The following CDH12 variants were observed in gnomAD, a reference collection of about 807,000 sequenced individuals.
CDH12 encodes cadherin 12, also known as cadherin-12.
Under a neutral mutation model 74.1 loss-of-function variants are expected in CDH12, and 41 were observed. That is an observed-to-expected ratio of 0.55 (90% CI 0.43 to 0.72). The LOEUF (loss-of-function observed/expected upper bound fraction) is 0.72. Among genes scored for constraint, CDH12 ranks in the 30% least tolerant of loss-of-function variants. CDH12 has a pLI of 0.00. For synonymous variants in CDH12, 399 were observed against 355.0 expected (o/e 1.12, Z -1.39); for missense variants, 945 against 977.2 (o/e 0.97, Z 0.44).
chr5:22,471,140 A>G (rs748326681), intron 2 of CDH12, among the ~76,000 whole-genome samples: 9 of 152,132 alleles, frequency 5.9e-5, no homozygotes, highest in Non-Finnish European at 1.3e-4. Context: ...GTTCCCTAGA[A>G]AACAGGAAGC....
Position 22,250,055 on chromosome 5 carries a change from G to GA in CDH12, c.-332-37413dup, listed in dbSNP as rs539182408. Among the ~76,000 whole-genome samples the GA allele has an allele frequency of 5.7e-3, 867 of 152,120 alleles. 3 individuals carry two copies. The highest frequency in any genetic ancestry group is 0.017 in the Middle Eastern group (5 of 292). On this transcript the variant is annotated intron_variant, in intron 3 of 14. Transcript: ENST00000382254. ...TGTAGGCTGGTGGGGAAGTATTGCA[G>GA]AAAAAACTGAACAGAATTTTTAAAG...
intron 1 of CDH12, among the ~76,000 whole-genome samples, chr5:22,708,342 CT>C (rs1185410983): frequency 2.6e-5 from 4 of 152,158 alleles, no homozygotes; most frequent in Admixed American, 1.3e-4. Flanking sequence ...GACACAAACT[CT>C]CCCAAACCGG....
intron 1 of CDH12, among the ~76,000 whole-genome samples, chr5:22,818,187 G>A (rs185153625): frequency 6.6e-6 from 1 of 152,052 alleles, no homozygotes; most frequent in Admixed American, 6.6e-5. Flanking sequence ...TGCTGTCTTG[G>A]TGAGGCTTTA....
intron 6 of CDH12, among the ~76,000 whole-genome samples, chr5:21,943,594 A>C (rs116132831): frequency 0.02 from 3,085 of 152,320 alleles, 44 homozygotes; most frequent in Non-Finnish European, 0.03. Context: ...CGGGTACTAC[A>C]CACTCAGTTG....
rs113026675 is a variant in CDH12, at chr5:22,659,858, T to G, written c.-522-154494A>C. 2.0e-5 allele frequency among the ~76,000 whole-genome samples: 3 copies of G among 152,244 alleles called. No individual in the cohort carries two copies. In the East Asian group the frequency reaches 5.8e-4, roughly 29 times the overall value. On this transcript the variant is annotated intron_variant, in intron 1 of 14. Transcript: ENST00000382254. ...AGTATTTCAATGAATTTTCTAAAAA[T>G]AGAATTATTTTATATCAACAAAATG...
intron 1 of CDH12, among the ~76,000 whole-genome samples, chr5:22,827,476 G>T (rs1736396132): frequency 6.6e-6 from 1 of 152,180 alleles, no homozygotes; most frequent in Non-Finnish European, 1.5e-5. Flanking sequence ...GGGCAGTGAA[G>T]AAGGGAAACG....
chr5:22,769,010 G>T (rs931799675), intron 1 of CDH12, among the ~76,000 whole-genome samples: 1 of 152,058 alleles, frequency 6.6e-6, no homozygotes, highest in Admixed American at 6.6e-5. Flanking sequence ...CCTTCAGTAT[G>T]ATCTCCTGCA....
At chr5:22,559,160 G>T (rs1396879833) in intron 1 of CDH12, among the ~76,000 whole-genome samples, 4 of 151,968 alleles carry the variant, frequency 2.6e-5, no homozygotes, top group African/African-American at 9.7e-5. Flanking sequence ...TCCTGATAAT[G>T]AAACTGGGCA....
At chr5:22,039,126 G>A (rs1331223939) in intron 5 of CDH12, among the ~76,000 whole-genome samples, 3 of 151,998 alleles carry the variant, frequency 2.0e-5, no homozygotes, top group African/African-American at 4.8e-5. Context: ...TCCCACTATC[G>A]CAGGATCCAG....
chr5:22,103,960 T>C (rs1423522996), intron 4 of CDH12, among the ~76,000 whole-genome samples: 1 of 152,170 alleles, frequency 6.6e-6, no homozygotes, highest in Non-Finnish European at 1.5e-5. Context: ...CTTTGCATCA[T>C]TATGGTTTGG....
chr5:22,732,515 A>T (rs895471913), intron 1 of CDH12, among the ~76,000 whole-genome samples: 8 of 150,992 alleles, frequency 5.3e-5, no homozygotes, highest in Non-Finnish European at 8.9e-5. Context: ...AAAATTCCAA[A>T]CCCCTACTAT....
At chr5:22,662,581 C>T (rs545992297) in intron 1 of CDH12, among the ~76,000 whole-genome samples, 1 of 152,318 alleles carries the variant, frequency 6.6e-6, no homozygotes, top group Non-Finnish European at 1.5e-5. Context: ...AAAATAAACA[C>T]AATCACTTAT....
At chr5:22,421,932 T>C (rs1208982154) in intron 2 of CDH12, among the ~76,000 whole-genome samples, 1 of 152,258 alleles carries the variant, frequency 6.6e-6, no homozygotes, top group African/African-American at 2.4e-5. Context: ...ATTTCTCTAA[T>C]GACCAGTGAT....
chr5:22,615,988 A>G (rs1737669464), intron 1 of CDH12, among the ~76,000 whole-genome samples: 4 of 152,126 alleles, frequency 2.6e-5, no homozygotes, highest in Admixed American at 2.6e-4. Flanking sequence ...GGCTTTAAGA[A>G]AGATAGATCT....
intron 4 of CDH12, among the ~76,000 whole-genome samples, chr5:22,105,105 T>A (rs1413869435): frequency 6.6e-6 from 1 of 151,958 alleles, no homozygotes; most frequent in East Asian, 2.0e-4. Context: ...TCTTTTCTTT[T>A]TTTTTGAGAT....
At chr5:22,119,416 A>G (rs1745372969) in intron 4 of CDH12, among the ~76,000 whole-genome samples, 1 of 151,376 alleles carries the variant, frequency 6.6e-6, no homozygotes, top group Non-Finnish European at 1.5e-5. Context: ...CAGCCTCCCA[A>G]GTAGCTGGGA....
intron 3 of CDH12, among the ~76,000 whole-genome samples, chr5:22,392,043 TCTC>T (rs1345854786): frequency 6.6e-6 from 1 of 152,158 alleles, no homozygotes; most frequent in African/African-American, 2.4e-5. Context: ...GTTCTTTACT[TCTC>T]CTGTTTTCAT....
At chr5:22,805,095 A>G (rs1581017504) in intron 1 of CDH12, among the ~76,000 whole-genome samples, 1 of 152,154 alleles carries the variant, frequency 6.6e-6, no homozygotes, top group Non-Finnish European at 1.5e-5. Flanking sequence ...TATCTGACAC[A>G]TTTGAAAATG....
chr5:22,571,331 C>CTTTT lies in CDH12; in HGVS notation c.-522-65971_-522-65968dup, dbSNP rs534894225. Among the ~76,000 whole-genome samples, 43 of 145,606 alleles carry CTTTT rather than the reference C, an allele frequency of 3.0e-4. No individual in the cohort carries two copies. In the East Asian group the frequency reaches 3.0e-3, roughly 10 times the overall value. On this transcript the variant is annotated intron_variant, in intron 1 of 14. Coordinates refer to ENST00000382254, the MANE Select transcript of CDH12 (RefSeq NM_004061.5). ...CTAAGCTTAATCATCTCTAACTTTT[C>CTTTT]TTTTTTTTTTTGGAAACGGAATTTC... is the stretch of plus-strand genomic sequence containing the variant.
Sources: allele counts gnomAD v4.1 joint callset (sites outside exome capture counted in the v4.1 genomes callset), GRCh38; gene constraint gnomAD v4.1.1; transcripts MANE v1.5; gene names NCBI Gene and HGNC (gene_info 2026-07-23, HGNC 2026-07-21).